SPICE1: variants seen among roughly 807,000 people sequenced by gnomAD.
The protein encoded by SPICE1 is spindle and centriole associated protein 1.
SPICE1 carries 75 observed loss-of-function variants against 102.7 expected under a neutral mutation model. The observed-to-expected ratio is 0.73, with a 90% CI of 0.61 to 0.88. The LOEUF is 0.88. SPICE1 is among the 40% of genes least tolerant of loss of function. The pLI is 0.00. For missense variants in SPICE1, 979 were observed against 1,020.1 expected, an observed-to-expected ratio of 0.96 and a Z score of 0.55; for synonymous variants, 308 against 350.3, an observed-to-expected ratio of 0.88 and a Z score of 1.35.
chr3:113,454,213 T>C (rs1389186438), intron 13 of SPICE1, among the ~76,000 whole-genome samples: 1 of 152,178 alleles, frequency 6.6e-6, no homozygotes. Context: ...TTAACGCATA[T>C]ATTAACTCAC....
At chr3:113,507,340 A>G (rs541689630) in intron 1 of SPICE1, among the ~76,000 whole-genome samples, 1 of 152,322 alleles carries the variant, frequency 6.6e-6, no homozygotes, top group South Asian at 2.1e-4. Context: ...TACAATACAT[A>G]TATATGACTT....
chr3:113,485,172 G>GT (rs1346426484), intron 7 of SPICE1, among the ~76,000 whole-genome samples: 11 of 147,304 alleles, frequency 7.5e-5, no homozygotes, highest in African/African-American at 1.0e-4. Context: ...CAGGAGTTTT[G>GT]TTTGTTTTTT....
At chr3:113,456,252 C>T (rs1191741044) in intron 13 of SPICE1, among the ~76,000 whole-genome samples, 1 of 151,210 alleles carries the variant, frequency 6.6e-6, no homozygotes, top group African/African-American at 2.4e-5. Flanking sequence ...GAAAATTGCA[C>T]AAAATTTGTA....
chr3:113,454,026 C>T lies in SPICE1; in HGVS notation c.1658-76G>A, dbSNP rs1935723463. Reference sequence around the variant, plus strand: ...TGGCACTATACTCATTTCATTAGCCCACCATGGTAGTTAGAAAAGTATTTC... The same window carrying T: ...TGGCACTATACTCATTTCATTAGCCTACCATGGTAGTTAGAAAAGTATTTC... On this transcript the variant is annotated intron_variant, in intron 13 of 17. Transcript: ENST00000295872. 7 of 1,322,684 alleles carry T rather than the reference C, an allele frequency of 5.3e-6. No individual in the cohort carries two copies. In the South Asian group the frequency reaches 6.2e-5, roughly 12 times the overall value. The allele number at this position is 1,322,684 out of a possible 1,614,324, so 81.9% of individuals were successfully genotyped here. A position where few individuals can be genotyped will look rare whatever the true frequency, so the allele number is the denominator to read the frequency against.
intron 3 of SPICE1, among the ~76,000 whole-genome samples, chr3:113,502,344 G>C (rs1270397566): frequency 1.3e-5 from 2 of 152,096 alleles, no homozygotes; most frequent in Admixed American, 1.3e-4. Context: ...GCTACAACAG[G>C]GATGAACCTT....
intron 2 of SPICE1, 80 bp downstream of exon 2, chr3:113,506,427 T>C: frequency 8.8e-7 from 1 of 1,133,854 alleles, no homozygotes; most frequent in Non-Finnish European, 1.3e-6. Flanking sequence ...CAGAACACCA[T>C]CTTGCATGAC....
intron 7 of SPICE1, among the ~76,000 whole-genome samples, chr3:113,483,363 T>G (rs746647052): frequency 3.3e-5 from 5 of 152,334 alleles, no homozygotes; most frequent in Middle Eastern, 3.4e-3. Context: ...AGAGACAGTT[T>G]GACTTCCTCT....
In SPICE1 at chr3:113,460,704, T is replaced by C. The variant is rs772916339; in HGVS notation, c.1348A>G (p.Ile450Val). ...TTATTTATCACAGGACAGTTCTTAA[T>C]AGCATGTGTGAGTGATATCAGTTGC... ...DEQLISLTHA[I>V]KNCPVINNRQ... is the part of the protein sequence containing the mutation. The change falls in exon 12 of 18, where the codon ATT becomes GTT. Residue 450 changes from isoleucine to valine, a missense_variant. By Grantham distance (29) the Ile-to-Val change is conservative. Transcript: ENST00000295872. 6.2e-6 allele frequency: 10 copies of C among 1,613,714 alleles called. No homozygotes were observed. In the East Asian group the frequency reaches 1.6e-4, roughly 25 times the overall value.
chr3:113,514,886 C>G lies in SPICE1; in HGVS notation c.-1+11G>C, dbSNP rs78542733. The stretch of plus-strand genomic sequence containing the variant: ...GCACAAACATACCCAGACACGCACC[C>G]TGACACGTACTTGCACTCTCAAAAC... On this transcript the variant is annotated intron_variant, in intron 1 of 17. Transcript: ENST00000295872. 4.8e-3 allele frequency: 5,714 copies of G among 1,200,556 alleles called. 19 individuals are homozygous for G. The highest frequency in any genetic ancestry group is 5.7e-3 in the Non-Finnish European group (5,387 of 946,190). 74.4% of individuals were successfully genotyped at this position (1,200,556 alleles called of 1,614,324 possible). A position where few individuals can be genotyped will look rare whatever the true frequency, so the allele number is the denominator to read the frequency against.
chr3:113,472,352 G>T (rs1936225793), intron 7 of SPICE1, among the ~76,000 whole-genome samples: 1 of 152,238 alleles, frequency 6.6e-6, no homozygotes, highest in African/African-American at 2.4e-5. Context: ...ACCTCTGGGG[G>T]CAGGGCACAG....
rs757044319 is a variant in SPICE1 at position 113,446,675 on chromosome 3, A to T, written c.2428T>A (p.Ser810Thr). The T allele has an allele frequency of 1.2e-6, 2 of 1,611,446 alleles. No homozygotes were observed. Among genetic ancestry groups the T allele is most frequent in the South Asian group, 2.2e-5 (2 of 90,738 alleles). Residue 810 changes from serine to threonine, a missense_variant and splice_region_variant, in exon 17 of 18, where the codon TCT becomes ACT. Transcript: ENST00000295872. ...SPVSGINTRR[S>T]SGATGNSCSP... is the part of the protein sequence containing the mutation. The stretch of plus-strand genomic sequence containing the variant: ...CAAGAATTACCAGTAGCCCCGGAAG[A>T]TCTATTCATGAAAAATAAAACAGAG...
rs1282629467 is a variant in SPICE1 at position 113,448,111 on chromosome 3, T to C, written c.2353A>G (p.Ile785Val). The change falls in exon 16 of 18, where the codon ATT becomes GTT. Residue 785 changes from isoleucine (I) to valine (V), a missense_variant. Physicochemically the swap from Ile to Val is conservative, Grantham distance 29 (BLOSUM62 3). Transcript: ENST00000295872. ...CTTTCTGGGGCTTCTGCTCCTGGAA[T>C]AGATACCTCAATTGTCCTCTTTGCT... ...EGAKRTIEVS[I>V]PGAEAPESSK... 2 of 1,611,574 alleles carry C rather than the reference T, an allele frequency of 1.2e-6. No individual in the cohort carries two copies. The highest frequency in any genetic ancestry group is 3.3e-5 in the Admixed American group (2 of 59,996).
chr3:113,506,705 A>C, intron 1 of SPICE1, 100 bp from the exon 2 acceptor site: 1 of 867,390 alleles, frequency 1.2e-6, no homozygotes, highest in Non-Finnish European at 1.8e-6. Context: ...AAATTTTAAA[A>C]TGCCAGAAGA....
intron 1 of SPICE1, among the ~76,000 whole-genome samples, chr3:113,508,213 G>A (rs1309907678): frequency 2.0e-5 from 3 of 152,024 alleles, no homozygotes; most frequent in Non-Finnish European, 4.4e-5. Flanking sequence ...GTGAGCCGTG[G>A]GTTAAGCAAT....
rs954348509 is a variant in SPICE1, at chr3:113,514,805, T to C, written c.-1+92A>G. 18 of 1,273,056 alleles carry C rather than the reference T, an allele frequency of 1.4e-5. 1 individual carries two copies. In the South Asian group the frequency reaches 2.3e-4, roughly 16 times the overall value. 78.9% of individuals were successfully genotyped at this position (1,273,056 alleles called of 1,614,324 possible). ...CGAGCACCCCCAATTACCAGCTCTG[T>C]GCAAAAGCTCCCGAAAGCGGTGCGC... On this transcript the variant is annotated intron_variant, in intron 1 of 17. Coordinates refer to ENST00000295872, the MANE Select transcript of SPICE1 (RefSeq NM_144718.4).
At chr3:113,487,091 T>G (rs1936666411) in intron 7 of SPICE1, among the ~76,000 whole-genome samples, 3 of 152,064 alleles carry the variant, frequency 2.0e-5, no homozygotes, top group Admixed American at 2.0e-4. Flanking sequence ...CAAATGAACC[T>G]AATTATATTT....
chr3:113,459,837 G>A (rs1158313169), intron 12 of SPICE1: 17 of 969,110 alleles, frequency 1.8e-5, no homozygotes, highest in African/African-American at 1.8e-5. Context: ...AGCCGAGAGG[G>A]CGCCACTACA....
At chr3:113,462,641 T>C (rs1277784453) in intron 11 of SPICE1, among the ~76,000 whole-genome samples, 2 of 152,182 alleles carry the variant, frequency 1.3e-5, no homozygotes, top group Non-Finnish European at 2.9e-5. Flanking sequence ...AGAGAAAGTA[T>C]TACTTTTTCT....
chr3:113,480,170 G>C (rs1015473764), intron 7 of SPICE1, among the ~76,000 whole-genome samples: 2 of 151,642 alleles, frequency 1.3e-5, no homozygotes, highest in Non-Finnish European at 2.9e-5. Context: ...AAATTGGCTT[G>C]AGAAGAAATA....
Sources: allele counts gnomAD v4.1 joint callset (sites outside exome capture counted in the v4.1 genomes callset), GRCh38; gene constraint gnomAD v4.1.1; transcripts MANE v1.5; gene names NCBI Gene and HGNC (gene_info 2026-07-23, HGNC 2026-07-21).